The following SMYD3 variants were observed in gnomAD, a reference collection of about 807,000 sequenced individuals.
The protein encoded by SMYD3 is SET and MYND domain containing 3, also known as histone-lysine N-methyltransferase SMYD3.
Under a neutral mutation model 57.7 loss-of-function variants are expected in SMYD3, and 36 were observed. That is an observed-to-expected ratio of 0.62 (90% confidence interval 0.48 to 0.82). SMYD3 has a LOEUF of 0.82. SMYD3 is among the 40% of genes least tolerant of loss of function. The pLI, the probability that SMYD3 is intolerant of heterozygous loss-of-function variation, is 0.00. For synonymous variants in SMYD3, 211 were observed against 195.0 expected (o/e 1.08, Z -0.68); for missense variants, 515 against 538.8 (o/e 0.96, Z 0.44).
chr1:246,138,177 T>A (rs2061692164), intron 5 of SMYD3, among the ~76,000 whole-genome samples: 2 of 152,164 alleles, frequency 1.3e-5, no homozygotes, highest in African/African-American at 2.4e-5. Flanking sequence ...GCACCGAGGC[T>A]GTGCACAGTC....
At chr1:246,260,232 G>A (rs2148519240) in intron 5 of SMYD3, among the ~76,000 whole-genome samples, 1 of 152,140 alleles carries the variant, frequency 6.6e-6, no homozygotes, top group Middle Eastern at 3.4e-3. Flanking sequence ...AGAGTTGCGT[G>A]GCTCAGGCTG....
intron 5 of SMYD3, among the ~76,000 whole-genome samples, chr1:246,233,615 C>T (rs2063460897): frequency 7.2e-6 from 1 of 139,808 alleles, no homozygotes; most frequent in African/African-American, 2.7e-5. Flanking sequence ...TGAACATATA[C>T]CACACAGAGG....
intron 10 of SMYD3, among the ~76,000 whole-genome samples, chr1:245,806,648 C>T (rs925769843): frequency 3.9e-5 from 6 of 152,070 alleles, no homozygotes; most frequent in South Asian, 2.1e-4. Context: ...CGGTGGCTCA[C>T]GCCTGTAATC....
chr1:245,764,984 C>T (rs952272958), intron 10 of SMYD3, among the ~76,000 whole-genome samples: 2 of 151,546 alleles, frequency 1.3e-5, no homozygotes, highest in Non-Finnish European at 2.9e-5. Flanking sequence ...CCCCCTACCC[C>T]TACTCTTAGA....
At chr1:246,211,522 G>A (rs1028911184) in intron 5 of SMYD3, among the ~76,000 whole-genome samples, 7 of 145,904 alleles carry the variant, frequency 4.8e-5, no homozygotes, top group Non-Finnish European at 7.5e-5. Flanking sequence ...TCTTTCAGAT[G>A]GGCAATGTTT....
At chr1:245,845,192 C>A (rs1384870591) in intron 10 of SMYD3, among the ~76,000 whole-genome samples, 1 of 152,182 alleles carries the variant, frequency 6.6e-6, no homozygotes, top group Non-Finnish European at 1.5e-5. Flanking sequence ...ACCAAAAAAA[C>A]ACTGAGCTTT....
intron 5 of SMYD3, among the ~76,000 whole-genome samples, chr1:246,068,591 C>G (rs912540116): frequency 1.3e-5 from 2 of 152,184 alleles, no homozygotes; most frequent in African/African-American, 2.4e-5. Flanking sequence ...TGCCTGCAAC[C>G]TGCTACCAGT....
At chr1:245,949,817 A>G (rs2057557655) in intron 5 of SMYD3, among the ~76,000 whole-genome samples, 1 of 118,552 alleles carries the variant, frequency 8.4e-6, no homozygotes, top group Non-Finnish European at 2.0e-5. Flanking sequence ...TCCAAAAAAA[A>G]GAAACCCACC....
intron 11 of SMYD3, among the ~76,000 whole-genome samples, chr1:245,762,073 C>G (rs1177003352): frequency 6.6e-6 from 1 of 152,126 alleles, no homozygotes; most frequent in Non-Finnish European, 1.5e-5. Flanking sequence ...ATGTGAGCCA[C>G]CGCGCCCAGC....
At chr1:246,352,174 G>T (rs948019406) in intron 2 of SMYD3, among the ~76,000 whole-genome samples, 4 of 116,584 alleles carry the variant, frequency 3.4e-5, no homozygotes, top group Admixed American at 8.5e-5. Context: ...CATAAAGAAA[G>T]AAATGTGAAT....
intron 5 of SMYD3, among the ~76,000 whole-genome samples, chr1:245,971,068 C>A (rs1160514825): frequency 6.6e-6 from 1 of 152,180 alleles, no homozygotes; most frequent in Non-Finnish European, 1.5e-5. Flanking sequence ...TAGTGATAGA[C>A]TAGATACAGA....
intron 1 of SMYD3, among the ~76,000 whole-genome samples, chr1:246,442,776 T>C (rs2067489526): frequency 6.6e-6 from 1 of 152,050 alleles, no homozygotes; most frequent in African/African-American, 2.4e-5. Context: ...ACGCAAACAC[T>C]GGTACTGCTT....
chr1:246,456,588 C>A (rs1489690348), intron 1 of SMYD3, among the ~76,000 whole-genome samples: 1 of 152,200 alleles, frequency 6.6e-6, no homozygotes, highest in Non-Finnish European at 1.5e-5. Flanking sequence ...CACCTAGCTT[C>A]CACAGTATTC....
intron 1 of SMYD3, among the ~76,000 whole-genome samples, chr1:246,496,648 T>A: frequency 6.6e-6 from 1 of 151,934 alleles, no homozygotes; most frequent in African/African-American, 2.4e-5. Context: ...GGCAACATGG[T>A]GAAACCCCAT....
At chr1:246,184,917 G>A (rs918211062) in intron 5 of SMYD3, among the ~76,000 whole-genome samples, 2 of 152,276 alleles carry the variant, frequency 1.3e-5, no homozygotes, top group Non-Finnish European at 2.9e-5. Context: ...GTACCCTGAG[G>A]TGGCTCAGAC....
intron 5 of SMYD3, among the ~76,000 whole-genome samples, chr1:246,260,574 C>A (rs1436385159): frequency 6.6e-6 from 1 of 152,070 alleles, no homozygotes; most frequent in Non-Finnish European, 1.5e-5. Flanking sequence ...CCTCAGCCTC[C>A]TGAGTAGCTG....
At chr1:246,188,084 A>T (rs2062673047) in intron 5 of SMYD3, among the ~76,000 whole-genome samples, 1 of 152,164 alleles carries the variant, frequency 6.6e-6, no homozygotes. Flanking sequence ...AAAAAAACTA[A>T]TGGGTGAAAG....
intron 1 of SMYD3, among the ~76,000 whole-genome samples, chr1:246,485,791 AAAT>A (rs2068179247): frequency 6.6e-6 from 1 of 152,196 alleles, no homozygotes; most frequent in South Asian, 2.1e-4. Context: ...CTCTGTCTCA[AAAT>A]AATAATAAAA....
chr1:246,205,256 A>T (rs914770739), intron 5 of SMYD3, among the ~76,000 whole-genome samples: 23 of 152,248 alleles, frequency 1.5e-4, no homozygotes, highest in Admixed American at 6.5e-5. Context: ...GAAAATACTT[A>T]GGTGTCATCT....
Sources: gnomAD v4.1 joint callset for allele counts (sites outside exome capture counted in the v4.1 genomes callset) on GRCh38, gnomAD v4.1.1 for gene constraint, MANE v1.5 for transcripts, NCBI Gene and HGNC (gene_info 2026-07-23, HGNC 2026-07-21) for gene names.